The following CCDC149 variants were observed in gnomAD, a reference collection of about 807,000 sequenced individuals.
CCDC149 encodes coiled-coil domain-containing protein 149.
A neutral mutation model predicts 59.9 loss-of-function variants in CCDC149; 45 were observed. That is an observed-to-expected ratio of 0.75 (90% confidence interval 0.59 to 0.96). The LOEUF (loss-of-function observed/expected upper bound fraction) is 0.96, where lower values mean the gene tolerates loss of function less well. Among genes scored for constraint, CCDC149 ranks in the 40% least tolerant of loss-of-function variants. The pLI, the probability that CCDC149 is intolerant of heterozygous loss-of-function variation, is 0.00. For synonymous variants in CCDC149, 245 were observed against 260.6 expected, an observed-to-expected ratio of 0.94 and a Z score of 0.58; for missense variants, 584 against 664.7, an observed-to-expected ratio of 0.88 and a Z score of 1.33.
intron 12 of CCDC149, among the ~76,000 whole-genome samples, chr4:24,809,100 G>T (rs1213816621): frequency 6.6e-6 from 1 of 152,152 alleles, no homozygotes; most frequent in African/African-American, 2.4e-5. Flanking sequence ...GTTAGCTTCT[G>T]TTCCATTCTC....
chr4:24,935,734 A>G (rs530406172), intron 1 of CCDC149, among the ~76,000 whole-genome samples: 1 of 152,300 alleles, frequency 6.6e-6, no homozygotes, highest in African/African-American at 2.4e-5. Context: ...CTTATAAATC[A>G]CCCAGTAAAT....
At chr4:24,870,581 G>A (rs1413827174) in intron 3 of CCDC149, among the ~76,000 whole-genome samples, 2 of 152,166 alleles carry the variant, frequency 1.3e-5, no homozygotes, top group East Asian at 1.9e-4. Flanking sequence ...TGTTTAGGAC[G>A]TTGAACTTAT....
rs943373000 is a variant in CCDC149 at position 24,950,823 on chromosome 4, G to A, written c.-65+29246C>T. Among the ~76,000 whole-genome samples, 3 of 152,124 alleles carry A rather than the reference G, an allele frequency of 2.0e-5. No homozygotes were observed. The East Asian group carries it at 5.8e-4, about 29-fold the overall frequency. On this transcript the variant is annotated intron_variant, in intron 1 of 12. Coordinates refer to the CCDC149 transcript ENST00000389609. ...CTTCTTTCCCAATTCAGGGGTCTGG[G>A]GCCTGTGTAGCCACCATTCAGAACC... is the stretch of plus-strand genomic sequence containing the variant.
intron 1 of CCDC149, among the ~76,000 whole-genome samples, chr4:24,929,782 C>G (rs1484270162): frequency 6.6e-6 from 1 of 152,108 alleles, no homozygotes; most frequent in African/African-American, 2.4e-5. Context: ...CTTATCTGAG[C>G]CTCTTTGGGA....
intron 3 of CCDC149, among the ~76,000 whole-genome samples, chr4:24,860,399 G>A (rs75860174): frequency 0.019 from 2,880 of 152,214 alleles, 102 homozygotes; most frequent in African/African-American, 0.066. Flanking sequence ...GCACGTAGAG[G>A]AATGAAATTG....
At chr4:24,836,315 ACT>A in intron 7 of CCDC149, 119 bp downstream of exon 7, 1 of 706,952 alleles carries the variant, frequency 1.4e-6, no homozygotes. Flanking sequence ...CTCTTATTAG[ACT>A]CTATCTGGGA....
chr4:24,938,185 G>C (rs1364011551), intron 1 of CCDC149, among the ~76,000 whole-genome samples: 1 of 152,194 alleles, frequency 6.6e-6, no homozygotes, highest in Non-Finnish European at 1.5e-5. Flanking sequence ...TCTGTGTCAT[G>C]CATCAATTAC....
At chr4:24,882,328 C>T (rs1719897709) in intron 1 of CCDC149, among the ~76,000 whole-genome samples, 1 of 152,180 alleles carries the variant, frequency 6.6e-6, no homozygotes, top group Non-Finnish European at 1.5e-5. Flanking sequence ...CAGAAAGGAA[C>T]TAGAAGGTTC....
chr4:24,965,459 TGG>T (rs1723766778), intron 1 of CCDC149, among the ~76,000 whole-genome samples: 1 of 143,828 alleles, frequency 7.0e-6, no homozygotes, highest in African/African-American at 2.8e-5. Context: ...CTGACCACAG[TGG>T]AATTAAATTT....
intron 3 of CCDC149, among the ~76,000 whole-genome samples, chr4:24,858,799 C>T (rs1056199123): frequency 2.0e-5 from 3 of 152,138 alleles, no homozygotes; most frequent in African/African-American, 7.2e-5. Context: ...AGGCAAAGAC[C>T]AGGAAATTGA....
intron 1 of CCDC149, among the ~76,000 whole-genome samples, chr4:24,922,072 T>A (rs1313645304): frequency 2.0e-5 from 3 of 152,220 alleles, no homozygotes; most frequent in African/African-American, 7.2e-5. Flanking sequence ...CTTTCCTTTA[T>A]GCATATCTGT....
chr4:24,921,987 AG>A (rs1722307140), intron 1 of CCDC149, among the ~76,000 whole-genome samples: 1 of 152,208 alleles, frequency 6.6e-6, no homozygotes, highest in Non-Finnish European at 1.5e-5. Context: ...AGGCATCGGC[AG>A]GGTTGGTCCC....
chr4:24,837,927 T>C lies in CCDC149; in HGVS notation c.489+229A>G, dbSNP rs1332173522. Among the ~76,000 whole-genome samples, 1 of 152,190 alleles carries C rather than the reference T, an allele frequency of 6.6e-6. No homozygotes were observed. The highest frequency in any genetic ancestry group is 1.5e-5 in the Non-Finnish European group (1 of 68,024). ...TCCTGGCTAGGAGGAACGTTTCTTG[T>C]TGTGTTCAGAACAATGGTACCCAAT... On this transcript the variant is annotated intron_variant, in intron 5 of 12. Transcript: ENST00000635206. This position sits in a 1 kb window ranked among gnomAD's most constrained non-coding sequence, Gnocchi z 4.3.
chr4:24,813,493 T>C (rs1577374084), intron 12 of CCDC149, among the ~76,000 whole-genome samples: 1 of 6,114 alleles, frequency 1.6e-4, no homozygotes, highest in African/African-American at 2.6e-4. Context: ...TTGGGGAATA[T>C]ATATATATAT....
intron 1 of CCDC149, among the ~76,000 whole-genome samples, chr4:24,921,504 C>G (rs902171530): frequency 1.3e-5 from 2 of 152,212 alleles, no homozygotes; most frequent in African/African-American, 4.8e-5. Context: ...GCTTGCATTC[C>G]TGGATCAAGT....
intron 1 of CCDC149, among the ~76,000 whole-genome samples, chr4:24,962,434 C>T (rs969765224): frequency 2.6e-5 from 4 of 152,174 alleles, no homozygotes; most frequent in African/African-American, 9.7e-5. Flanking sequence ...CTAGAAATAC[C>T]ATTTGACCTA....
intron 4 of CCDC149, among the ~76,000 whole-genome samples, chr4:24,841,261 A>T (rs1195983563): frequency 6.6e-6 from 1 of 152,194 alleles, no homozygotes; most frequent in Non-Finnish European, 1.5e-5. Flanking sequence ...GACAGCCTGA[A>T]CTTTAAGTTA....
At chr4:24,979,917 C>A (rs1342218810) in intron 1 of CCDC149, among the ~76,000 whole-genome samples, 3 of 152,052 alleles carry the variant, frequency 2.0e-5, no homozygotes, top group Admixed American at 6.6e-5. Flanking sequence ...GAAGCAAAAT[C>A]GGCTTAAAAG....
intron 1 of CCDC149, among the ~76,000 whole-genome samples, chr4:24,967,238 C>T (rs918715251): frequency 1.3e-5 from 2 of 152,132 alleles, no homozygotes; most frequent in African/African-American, 2.4e-5. Flanking sequence ...GCCACAACCA[C>T]GATGGGTTAC....
Sources: allele counts gnomAD v4.1 joint callset (sites outside exome capture counted in the v4.1 genomes callset), GRCh38; gene constraint gnomAD v4.1.1; non-coding constraint Gnocchi (gnomAD v3.1); transcripts MANE v1.5; gene names NCBI Gene and HGNC (gene_info 2026-07-23, HGNC 2026-07-21).